ST6GAL2: variants seen among roughly 807,000 people sequenced by gnomAD.
ST6GAL2 encodes the protein beta-galactoside alpha-2,6-sialyltransferase 2.
A neutral mutation model predicts 37.5 loss-of-function variants in ST6GAL2; 24 were observed. The observed-to-expected ratio is 0.64, with a 90% CI of 0.46 to 0.90. The LOEUF (loss-of-function observed/expected upper bound fraction) is 0.90. Among genes scored for constraint, ST6GAL2 ranks in the 40% least tolerant of loss-of-function variants. The pLI is 0.00. For missense variants in ST6GAL2, 715 were observed against 712.7 expected (o/e 1.00, Z -0.04); for synonymous variants, 306 against 295.1 (o/e 1.04, Z -0.38).
At position 106,814,698 on chromosome 2, in the gene ST6GAL2, C is replaced by T. The variant is rs1166224137; in HGVS notation, c.1319-7749G>A. On this transcript the variant is annotated intron_variant, in intron 5 of 5. Coordinates refer to ENST00000409382, the MANE Select transcript of ST6GAL2 (RefSeq NM_001142351.2). Reference sequence around the variant, plus strand: ...GTGTGCCTGGATGCCCTACTGCATGCAGGTGGCAAACCCATCCAGCTGTGC... The same window carrying T: ...GTGTGCCTGGATGCCCTACTGCATGTAGGTGGCAAACCCATCCAGCTGTGC... Among the ~76,000 whole-genome samples, 5 of 152,192 alleles carry T rather than the reference C, an allele frequency of 3.3e-5. No homozygotes were observed. The East Asian group carries it at 9.6e-4, about 29-fold the overall frequency.
At chr2:106,864,711 T>C (rs1387936433) in intron 1 of ST6GAL2, among the ~76,000 whole-genome samples, 2 of 152,238 alleles carry the variant, frequency 1.3e-5, no homozygotes, top group Non-Finnish European at 2.9e-5. Flanking sequence ...AAGATTTTAA[T>C]TGGGCTCCAC....
intron 5 of ST6GAL2, among the ~76,000 whole-genome samples, chr2:106,813,893 TA>T (rs1675701777): frequency 6.6e-6 from 1 of 152,216 alleles, no homozygotes; most frequent in Admixed American, 6.5e-5. Context: ...AGGCTAAGTG[TA>T]TTAAATATGC....
Position 106,843,113 on chromosome 2 carries a change from G to A in ST6GAL2, c.865C>T (p.His289Tyr). The change falls in exon 2 of 6, where the codon CAC becomes TAC. Residue 289 changes from histidine (H) to tyrosine (Y), a missense_variant. By Grantham distance (83) the His-to-Tyr change is moderately conservative. Transcript: ENST00000409382. ...LVPAVPLSQL[H>Y]PRGLRSCAVV... Reference sequence around the variant, plus strand: ...GCGCAGCTGCGCAGGCCGCGGGGGTGCAGCTGGCTCAGGGGCACGGCGGGC... The same window carrying A: ...GCGCAGCTGCGCAGGCCGCGGGGGTACAGCTGGCTCAGGGGCACGGCGGGC... 1 of 1,562,750 alleles carries A rather than the reference G, an allele frequency of 6.4e-7. No homozygotes were observed. The highest frequency in any genetic ancestry group is 8.6e-7 in the Non-Finnish European group (1 of 1,159,256).
At chr2:106,867,897 C>A (rs527436325) in intron 1 of ST6GAL2, among the ~76,000 whole-genome samples, 1 of 152,238 alleles carries the variant, frequency 6.6e-6, no homozygotes, top group East Asian at 1.9e-4. Flanking sequence ...CAACCTCTCC[C>A]TCCCCCCACA....
At position 106,807,774 on chromosome 2, in the gene ST6GAL2, A is replaced by G. The variant is rs535049197; in HGVS notation, c.1319-825T>C. On this transcript the variant is annotated intron_variant, in intron 5 of 5. Coordinates refer to ENST00000409382, the MANE Select transcript of ST6GAL2 (RefSeq NM_001142351.2). ...CAAGTAGCCGGGACTACAGGCGCCC[A>G]CCACCACGCCCGGCTAATATTTTGT... Among the ~76,000 whole-genome samples the G allele has an allele frequency of 4.0e-5, 6 of 151,532 alleles. No homozygotes were observed. In the South Asian group the frequency reaches 6.3e-4, roughly 16 times the overall value.
intron 1 of ST6GAL2, among the ~76,000 whole-genome samples, chr2:106,848,865 T>C (rs1677247148): frequency 1.3e-5 from 2 of 152,182 alleles, no homozygotes; most frequent in South Asian, 2.1e-4. Context: ...TGCAAATAAT[T>C]AGAAAGACCA....
rs758673479 is a variant in ST6GAL2, at chr2:106,806,927, C to A, written c.1341G>T (p.Met447Ile). 1 of 1,612,082 alleles carries A rather than the reference C, an allele frequency of 6.2e-7. No individual in the cohort carries two copies. Among genetic ancestry groups the A allele is most frequent in the Non-Finnish European group, 8.5e-7 (1 of 1,178,392 alleles). ...GFIGILIMMS[M>I]CREVHVYEYI... Reference sequence around the variant, plus strand: ...ATTCATACACGTGCACCTCTCTGCACATGGACATCATTATGAGGATTCCTG... The same window carrying A: ...ATTCATACACGTGCACCTCTCTGCAAATGGACATCATTATGAGGATTCCTG... Residue 447 changes from methionine to isoleucine, a missense_variant, in exon 6 of 6, where the codon ATG (methionine) becomes ATT (isoleucine). By Grantham distance (10) the Met-to-Ile change is conservative. Coordinates refer to ENST00000409382, the MANE Select transcript of ST6GAL2 (RefSeq NM_001142351.2).
intron 1 of ST6GAL2, among the ~76,000 whole-genome samples, chr2:106,860,144 T>C (rs944562437): frequency 2.6e-5 from 4 of 152,188 alleles, no homozygotes; most frequent in African/African-American, 9.6e-5. Context: ...CCCTCCAGCA[T>C]GTTTGCATCC....
chr2:106,863,121 T>G (rs1318517630), intron 1 of ST6GAL2, among the ~76,000 whole-genome samples: 1 of 152,038 alleles, frequency 6.6e-6, no homozygotes, highest in African/African-American at 2.4e-5. Flanking sequence ...TTTCTACAAA[T>G]GAGGAGCCCG....
At position 106,843,425 on chromosome 2, in the gene ST6GAL2, C is replaced by T. The variant is rs889490672; in HGVS notation, c.553G>A (p.Val185Met). ...TCGCCGTCGTCGCCCTCCTCCAACACGTGGCTCCTTCTCTGCCTCCGGTGC... is the reference window on the plus strand; with the variant it reads ...TCGCCGTCGTCGCCCTCCTCCAACATGTGGCTCCTTCTCTGCCTCCGGTGC... ...KRHRRQRRSH[V>M]LEEGDDGDRL... is the part of the protein sequence containing the mutation. Residue 185 changes from valine (V) to methionine (M), a missense_variant, in exon 2 of 6, where the codon GTG (valine) becomes ATG (methionine). Physicochemically the swap from Val to Met is conservative, Grantham distance 21. Coordinates refer to ENST00000409382, the MANE Select transcript of ST6GAL2 (RefSeq NM_001142351.2). 1.2e-6 allele frequency: 2 copies of T among 1,614,144 alleles called. No homozygotes were observed. Among genetic ancestry groups the T allele is most frequent in the Non-Finnish European group, 1.7e-6 (2 of 1,180,030 alleles).
In ST6GAL2 at chr2:106,843,670, T is replaced by C; in HGVS notation, c.308A>G (p.Gln103Arg). 1 of 1,613,392 alleles carries C rather than the reference T, an allele frequency of 6.2e-7. No homozygotes were observed. Among genetic ancestry groups the C allele is most frequent in the East Asian group, 2.2e-5 (1 of 44,858 alleles). The change falls in exon 2 of 6, where the codon CAA (glutamine) becomes CGA (arginine). Residue 103 changes from glutamine (Q) to arginine (R), a missense_variant. Physicochemically the swap from Gln to Arg is conservative, Grantham distance 43. Around this residue, in one of 3 missense-constraint regions of ST6GAL2, gnomAD observed 512 missense variants for 488.8 expected, o/e 1.05. Coordinates refer to ENST00000409382, the MANE Select transcript of ST6GAL2 (RefSeq NM_001142351.2). ...AAACTCTTTATGTTCAAACCCATCTTGGGACTGGGCCCATTTCTGCAGGTC... is the reference window on the plus strand; with the variant it reads ...AAACTCTTTATGTTCAAACCCATCTCGGGACTGGGCCCATTTCTGCAGGTC... The part of the protein sequence containing the change: ...PGDLQKWAQS[Q>R]DGFEHKEFFS...
chr2:106,881,462 T>G (rs183244455), intron 1 of ST6GAL2, among the ~76,000 whole-genome samples: 1 of 152,360 alleles, frequency 6.6e-6, no homozygotes, highest in East Asian at 1.9e-4. Flanking sequence ...TGTACTTTTT[T>G]CTACCCATTT....
intron 5 of ST6GAL2, among the ~76,000 whole-genome samples, chr2:106,816,429 A>G (rs1043593646): frequency 6.6e-6 from 1 of 152,200 alleles, no homozygotes; most frequent in Admixed American, 6.5e-5. Context: ...AAAAATAATT[A>G]TCAATAATTG....
chr2:106,861,740 C>T (rs1480353787), intron 1 of ST6GAL2, among the ~76,000 whole-genome samples: 1 of 151,816 alleles, frequency 6.6e-6, no homozygotes, highest in Non-Finnish European at 1.5e-5. Context: ...AAGCGATTCT[C>T]CCACCTCAGC....
chr2:106,884,763 G>C (rs550647054), intron 1 of ST6GAL2, among the ~76,000 whole-genome samples: 175 of 151,704 alleles, frequency 1.2e-3, no homozygotes, highest in Non-Finnish European at 2.3e-3. Flanking sequence ...TAATGCATTA[G>C]TACAAAATTC....
chr2:106,807,904 A>G (rs1186339182), intron 5 of ST6GAL2, among the ~76,000 whole-genome samples: 1 of 152,146 alleles, frequency 6.6e-6, no homozygotes, highest in Non-Finnish European at 1.5e-5. Flanking sequence ...GATTACAGGC[A>G]TGAGCCACCG....
At chr2:106,874,016 G>C (rs1357624603) in intron 1 of ST6GAL2, among the ~76,000 whole-genome samples, 2 of 152,180 alleles carry the variant, frequency 1.3e-5, no homozygotes, top group Non-Finnish European at 1.5e-5. Flanking sequence ...CATCCTTTCA[G>C]TCTAATAGGA....
chr2:106,876,590 T>C (rs755558646), intron 1 of ST6GAL2, among the ~76,000 whole-genome samples: 2 of 152,108 alleles, frequency 1.3e-5, no homozygotes, highest in Non-Finnish European at 2.9e-5. Context: ...GAATAGTGAG[T>C]ACCCATTGGG....
At chr2:106,849,366 G>C (rs777108035) in intron 1 of ST6GAL2, among the ~76,000 whole-genome samples, 10 of 151,996 alleles carry the variant, frequency 6.6e-5, no homozygotes, top group Non-Finnish European at 1.3e-4. Context: ...GGACACAACT[G>C]ACCAGGATTA....
Sources: allele counts gnomAD v4.1 joint callset (sites outside exome capture counted in the v4.1 genomes callset), GRCh38; gene constraint gnomAD v4.1.1; regional missense constraint gnomAD v4.1.1; transcripts MANE v1.5; gene names NCBI Gene and HGNC (gene_info 2026-07-23, HGNC 2026-07-21).